The following PTPRD variants were observed in gnomAD, a reference collection of about 807,000 sequenced individuals.
PTPRD encodes the protein protein tyrosine phosphatase receptor type D, also known as receptor-type tyrosine-protein phosphatase delta.
PTPRD carries 34 observed loss-of-function variants against 214.5 expected under a neutral mutation model. The ratio of observed to expected loss-of-function variants is 0.16; its 90% CI spans 0.12 to 0.21. The LOEUF is 0.21. Ranked by LOEUF, PTPRD falls within the 10% of genes least tolerant of loss-of-function variation. PTPRD has a pLI of 1.00. For synonymous variants in PTPRD, 1,128 were observed against 845.7 expected, an observed-to-expected ratio of 1.33 and a Z score of -5.79; for missense variants, 2,545 against 2,398.7, an observed-to-expected ratio of 1.06 and a Z score of -1.27.
At chr9:9,829,018 A>G (rs10125401) in intron 5 of PTPRD, among the ~76,000 whole-genome samples, 4,575 of 152,018 alleles carry the variant, frequency 0.03, 75 homozygotes, top group Middle Eastern at 0.059. Flanking sequence ...GATACAAATT[A>G]TTATTTTACT....
intron 2 of PTPRD, among the ~76,000 whole-genome samples, chr9:10,450,046 G>T (rs2098829774): frequency 6.6e-6 from 1 of 151,582 alleles, no homozygotes; most frequent in Non-Finnish European, 1.5e-5. Flanking sequence ...AAGGCAGCAT[G>T]CTCCTTAAGA....
chr9:8,784,009 T>A (rs1384162495), intron 11 of PTPRD, among the ~76,000 whole-genome samples: 1 of 152,206 alleles, frequency 6.6e-6, no homozygotes, highest in African/African-American at 2.4e-5. Flanking sequence ...TAATTCGTCA[T>A]ATATCCTCAT....
chr9:9,398,709 A>AT (rs996704444), intron 8 of PTPRD, among the ~76,000 whole-genome samples: 2 of 151,924 alleles, frequency 1.3e-5, no homozygotes, highest in South Asian at 2.1e-4. Context: ...TTATTTTTAT[A>AT]TTTTTTAGAT....
chr9:9,792,112 C>G (rs913912170), intron 5 of PTPRD, among the ~76,000 whole-genome samples: 2 of 55,232 alleles, frequency 3.6e-5, no homozygotes, highest in East Asian at 2.5e-4. Context: ...GTGAGATTTT[C>G]TGACACTTTT....
intron 5 of PTPRD, among the ~76,000 whole-genome samples, chr9:9,790,009 T>C (rs1197029516): frequency 6.6e-6 from 1 of 151,966 alleles, no homozygotes; most frequent in Non-Finnish European, 1.5e-5. Flanking sequence ...AGAACACACA[T>C]AATTTCTTAA....
chr9:9,056,401 C>A (rs2099696338), intron 10 of PTPRD, among the ~76,000 whole-genome samples: 1 of 152,166 alleles, frequency 6.6e-6, no homozygotes, highest in Non-Finnish European at 1.5e-5. Context: ...ATCAGCCCTG[C>A]AGTAACCCGC....
intron 10 of PTPRD, among the ~76,000 whole-genome samples, chr9:9,103,817 C>CA (rs994719151): frequency 4.6e-5 from 7 of 151,888 alleles, no homozygotes; most frequent in African/African-American, 1.2e-4. Flanking sequence ...CCTGTCTCTA[C>CA]AAAAAATACA....
intron 8 of PTPRD, among the ~76,000 whole-genome samples, chr9:9,457,796 G>C (rs2093218187): frequency 6.6e-6 from 1 of 151,814 alleles, no homozygotes; most frequent in African/African-American, 2.4e-5. Context: ...AGTTTTACTG[G>C]GACAAATTAT....
At chr9:8,836,079 T>C (rs2097415022) in intron 11 of PTPRD, among the ~76,000 whole-genome samples, 2 of 152,162 alleles carry the variant, frequency 1.3e-5, no homozygotes, top group South Asian at 4.1e-4. Flanking sequence ...CAGAGCAACA[T>C]CGTCCGAATG....
intron 8 of PTPRD, among the ~76,000 whole-genome samples, chr9:9,453,719 A>G (rs955467633): frequency 2.0e-5 from 3 of 151,770 alleles, no homozygotes; most frequent in Admixed American, 6.6e-5. Flanking sequence ...ACTAAAAGGT[A>G]AATTGCTTTA....
intron 12 of PTPRD, among the ~76,000 whole-genome samples, chr9:8,666,099 TG>T (rs1247892766): frequency 3.3e-5 from 5 of 152,164 alleles, no homozygotes; most frequent in Non-Finnish European, 5.9e-5. Context: ...TTTACAGCTT[TG>T]TATTGTAAAA....
At chr9:10,491,134 T>C (rs2040082711) in intron 2 of PTPRD, among the ~76,000 whole-genome samples, 1 of 152,204 alleles carries the variant, frequency 6.6e-6, no homozygotes, top group African/African-American at 2.4e-5. Context: ...CAGGATATCC[T>C]GTGTTCAATA....
intron 8 of PTPRD, among the ~76,000 whole-genome samples, chr9:9,543,708 A>G (rs552744021): frequency 6.6e-6 from 1 of 151,754 alleles, no homozygotes; most frequent in Admixed American, 6.6e-5. Context: ...AACAACAAAA[A>G]CAAAAACAAA....
chr9:9,861,643 T>A (rs892936026), intron 5 of PTPRD, among the ~76,000 whole-genome samples: 1 of 152,216 alleles, frequency 6.6e-6, no homozygotes, highest in Non-Finnish European at 1.5e-5. Context: ...TGTTAACTAT[T>A]GATATACAGT....
At chr9:8,852,338 T>A (rs913688825) in intron 11 of PTPRD, among the ~76,000 whole-genome samples, 1 of 152,226 alleles carries the variant, frequency 6.6e-6, no homozygotes, top group Non-Finnish European at 1.5e-5. Context: ...TTAAATCTAG[T>A]AAATAGCCAT....
In PTPRD at chr9:10,051,109, T is replaced by G. The variant is rs1005557232; in HGVS notation, c.-544-17319A>C. On this transcript the variant is annotated intron_variant, in intron 3 of 45. Coordinates refer to ENST00000381196, the MANE Select transcript of PTPRD (RefSeq NM_002839.4). ...GAAAAAAATGCAGAAGCCACTGAAT[T>G]CTGGGTACCTAATATATTACTTTCT... Among the ~76,000 whole-genome samples the G allele has an allele frequency of 9.5e-4, 145 of 152,190 alleles. 1 individual carries two copies. Among genetic ancestry groups the G allele is most frequent in the African/African-American group, 3.4e-3 (142 of 41,538 alleles).
At chr9:8,618,906 GTTTTTTTGT>G (rs2095708758) in intron 14 of PTPRD, among the ~76,000 whole-genome samples, 4 of 96,844 alleles carry the variant, frequency 4.1e-5, no homozygotes, top group African/African-American at 1.6e-4. Context: ...GTTTGTCTGT[GTTTTTTTGT>G]TTTTTTTTTT....
chr9:8,395,448 T>C (rs1382225886), intron 36 of PTPRD, among the ~76,000 whole-genome samples: 1 of 151,456 alleles, frequency 6.6e-6, no homozygotes, highest in African/African-American at 2.4e-5. Context: ...CACAGGCCTT[T>C]CCCCCGACCC....
chr9:9,712,351 G>C (rs1385680718), intron 7 of PTPRD, among the ~76,000 whole-genome samples: 3 of 151,934 alleles, frequency 2.0e-5, no homozygotes, highest in Non-Finnish European at 4.4e-5. Flanking sequence ...CACAGTGATA[G>C]GCTGACAAAT....
Sources: gnomAD v4.1 joint callset for allele counts (sites outside exome capture counted in the v4.1 genomes callset) on GRCh38, gnomAD v4.1.1 for gene constraint, MANE v1.5 for transcripts, NCBI Gene and HGNC (gene_info 2026-07-23, HGNC 2026-07-21) for gene names.